RSRC1: variants seen among roughly 807,000 people sequenced by gnomAD.
RSRC1 encodes serine/Arginine-related protein 53.
Under a neutral mutation model 49.1 loss-of-function variants are expected in RSRC1, and 39 were observed. The ratio of observed to expected loss-of-function variants is 0.79; its 90% CI spans 0.61 to 1.04. The LOEUF is 1.04. Among genes scored for constraint, RSRC1 ranks in the 50% least tolerant of loss-of-function variants. The pLI, the probability that RSRC1 is intolerant of heterozygous loss-of-function variation, is 0.00. For missense variants in RSRC1, 388 were observed against 402.4 expected (o/e 0.96, Z 0.31); for synonymous variants, 143 against 130.8 (o/e 1.09, Z -0.63).
intron 6 of RSRC1, among the ~76,000 whole-genome samples, chr3:158,439,720 G>A (rs1030480971): frequency 5.3e-5 from 8 of 152,092 alleles, no homozygotes; most frequent in Admixed American, 2.6e-4. Context: ...TGTAAATGTT[G>A]AGTTGATGGG....
intron 7 of RSRC1, among the ~76,000 whole-genome samples, chr3:158,515,111 A>T (rs1740439578): frequency 6.7e-6 from 1 of 149,252 alleles, no homozygotes; most frequent in African/African-American, 2.5e-5. Context: ...CATTTAGTCC[A>T]TTTACATTTA....
chr3:158,468,255 A>G (rs1420236872), intron 7 of RSRC1, among the ~76,000 whole-genome samples: 1 of 152,190 alleles, frequency 6.6e-6, no homozygotes, highest in African/African-American at 2.4e-5. Flanking sequence ...TTCTACAAAT[A>G]CATTTCATGA....
At position 158,539,973 on chromosome 3, in the gene RSRC1, G is replaced by A. The variant is rs73154329; in HGVS notation, c.759+2775G>A. Among the ~76,000 whole-genome samples the A allele has an allele frequency of 0.22, 34,072 of 152,026 alleles. 4,030 individuals carry two copies. The highest frequency in any genetic ancestry group is 0.29 in the South Asian group (1,419 of 4,828). Reference sequence around the variant, plus strand: ...ATAATAGCACTGCACATATTTTTAAGGCAGTTTAACATGAAAAGTGTCTCC... The same window carrying A: ...ATAATAGCACTGCACATATTTTTAAAGCAGTTTAACATGAAAAGTGTCTCC... On this transcript the variant is annotated intron_variant, in intron 8 of 9. Coordinates refer to ENST00000611884, the MANE Select transcript of RSRC1 (RefSeq NM_001271838.2). This position sits in a 1 kb window ranked among gnomAD's most constrained non-coding sequence, Gnocchi z 4.1.
intron 7 of RSRC1, among the ~76,000 whole-genome samples, chr3:158,528,874 T>C (rs1712207374): frequency 6.6e-6 from 1 of 151,964 alleles, no homozygotes; most frequent in Non-Finnish European, 1.5e-5. Flanking sequence ...CAGTAGTCTA[T>C]ATTTTGGGAC....
Position 158,251,630 on chromosome 3 carries a change from A to G in RSRC1, c.495-46409A>G, listed in dbSNP as rs186601534. 7.3e-3 allele frequency among the ~76,000 whole-genome samples: 1,110 copies of G among 152,276 alleles called. 9 individuals are homozygous for G. The highest frequency in any genetic ancestry group is 0.011 in the Non-Finnish European group (720 of 68,012). ...CTTTTTCAGAATGTTCACTTTTGGC[A>G]TGTAGAAATGCTACTGGTTTTTGTA... On this transcript the variant is annotated intron_variant, in intron 4 of 9. Coordinates refer to ENST00000611884, the MANE Select transcript of RSRC1 (RefSeq NM_001271838.2).
At chr3:158,461,354 T>G (rs1737601635) in intron 7 of RSRC1, among the ~76,000 whole-genome samples, 1 of 151,908 alleles carries the variant, frequency 6.6e-6, no homozygotes, top group South Asian at 2.1e-4. Flanking sequence ...TCAGTAGTGA[T>G]GAAGAAAAGT....
intron 4 of RSRC1, among the ~76,000 whole-genome samples, chr3:158,217,736 T>C (rs1445129746): frequency 7.5e-6 from 1 of 134,104 alleles, no homozygotes; most frequent in Non-Finnish European, 1.6e-5. Context: ...CCTAACATTA[T>C]GGAAATTATG....
chr3:158,528,414 T>A (rs1474090938), intron 7 of RSRC1, among the ~76,000 whole-genome samples: 1 of 151,866 alleles, frequency 6.6e-6, no homozygotes, highest in East Asian at 1.9e-4. Flanking sequence ...CAAGGGTAAA[T>A]TGAGCATTGA....
Position 158,122,150 on chromosome 3 carries a change from A to G in RSRC1, c.46A>G (p.Arg16Gly), listed in dbSNP as rs1463487590. The G allele has an allele frequency of 4.5e-6, 7 of 1,569,506 alleles. No homozygotes were observed. Among genetic ancestry groups the G allele is most frequent in the Non-Finnish European group, 6.0e-6 (7 of 1,159,218 alleles). Reference sequence around the variant, plus strand: ...TACTGAAGAAGAAAGCAGAAGCAAGAGAAAAAAGAAACACCGTAGACGGTC... The same window carrying G: ...TACTGAAGAAGAAAGCAGAAGCAAGGGAAAAAAGAAACACCGTAGACGGTC... ...SDTEEESRSKRKKKHRRRSSS... is the reference protein window; with the variant it reads ...SDTEEESRSKGKKKHRRRSSS... Residue 16 changes from arginine to glycine, a missense_variant, in exon 2 of 10, where the codon AGA (arginine) becomes GGA (glycine). Coordinates refer to ENST00000611884, the MANE Select transcript of RSRC1 (RefSeq NM_001271838.2).
At chr3:158,189,053 C>T (rs1383890503) in intron 3 of RSRC1, among the ~76,000 whole-genome samples, 1 of 151,682 alleles carries the variant, frequency 6.6e-6, no homozygotes, top group Non-Finnish European at 1.5e-5. Flanking sequence ...TTTAAAGATT[C>T]TCATTGTGAT....
At chr3:158,361,518 A>G (rs1158512461) in intron 6 of RSRC1, among the ~76,000 whole-genome samples, 1 of 152,090 alleles carries the variant, frequency 6.6e-6, no homozygotes, top group Non-Finnish European at 1.5e-5. Flanking sequence ...CACTTCTGCC[A>G]CCACCACCCA....
chr3:158,201,495 G>C (rs1721042959), intron 3 of RSRC1, among the ~76,000 whole-genome samples: 1 of 152,018 alleles, frequency 6.6e-6, no homozygotes, highest in Non-Finnish European at 1.5e-5. Context: ...AAACATGTTA[G>C]GCATTTGAAT....
intron 7 of RSRC1, among the ~76,000 whole-genome samples, chr3:158,494,199 A>T (rs991631881): frequency 6.6e-6 from 1 of 152,158 alleles, no homozygotes; most frequent in African/African-American, 2.4e-5. Context: ...CACCTCAACT[A>T]TATGGTATAG....
At position 158,118,448 on chromosome 3, in the gene RSRC1, TGTGTGTGTGTGTGTGC is replaced by T. The variant is rs1179621228; in HGVS notation, c.-2-3653_-2-3638del. ...GTGTGTGTGTGTGTGTGTGTGTGTGTGTGTGTGTGTGTGTGCGCGTGCGCGTGGTTTTTTTAAATTG... is the reference window on the plus strand; with the variant it reads ...GTGTGTGTGTGTGTGTGTGTGTGTGTGCGTGCGCGTGGTTTTTTTAAATTG... On this transcript the variant is annotated intron_variant, in intron 1 of 9. Transcript: ENST00000611884. Among the ~76,000 whole-genome samples the T allele has an allele frequency of 7.4e-5, 10 of 135,800 alleles. 1 individual carries two copies. Among genetic ancestry groups the T allele is most frequent in the African/African-American group, 2.8e-4 (10 of 35,654 alleles). 89.1% of individuals were successfully genotyped at this position (135,800 alleles called of 152,430 possible).
intron 3 of RSRC1, among the ~76,000 whole-genome samples, chr3:158,132,986 G>A (rs758737251): frequency 6.6e-6 from 1 of 152,012 alleles, no homozygotes; most frequent in Non-Finnish European, 1.5e-5. Context: ...TCGACTTCTG[G>A]AATAAACGGA....
At chr3:158,443,482 A>G (rs1736498368) in intron 6 of RSRC1, among the ~76,000 whole-genome samples, 2 of 152,178 alleles carry the variant, frequency 1.3e-5, no homozygotes, top group African/African-American at 4.8e-5. Context: ...ACTTTTCTTC[A>G]GCAGCTTCCT....
chr3:158,390,246 G>C (rs1442960787), intron 6 of RSRC1, among the ~76,000 whole-genome samples: 1 of 152,144 alleles, frequency 6.6e-6, no homozygotes, highest in Non-Finnish European at 1.5e-5. Flanking sequence ...CTTCCATGAA[G>C]GAGTAGTGAA....
intron 4 of RSRC1, among the ~76,000 whole-genome samples, chr3:158,257,745 C>A (rs566593727): frequency 1.3e-5 from 2 of 152,122 alleles, no homozygotes; most frequent in African/African-American, 4.8e-5. Flanking sequence ...TTTCTTTTAG[C>A]AAAGATGATT....
intron 5 of RSRC1, among the ~76,000 whole-genome samples, chr3:158,331,598 T>C (rs970076097): frequency 2.0e-5 from 3 of 152,144 alleles, no homozygotes; most frequent in Non-Finnish European, 4.4e-5. Flanking sequence ...TTCTCCCATG[T>C]GAATTCTTAT....
Sources: allele counts gnomAD v4.1 joint callset (sites outside exome capture counted in the v4.1 genomes callset), GRCh38; gene constraint gnomAD v4.1.1; non-coding constraint Gnocchi (gnomAD v3.1); transcripts MANE v1.5; gene names NCBI Gene and HGNC (gene_info 2026-07-23, HGNC 2026-07-21).